Variants in RDH10 observed in about 807,000 individuals in gnomAD.
RDH10 encodes the protein retinol dehydrogenase 10 (all-trans).
Under a neutral mutation model 30.2 loss-of-function variants are expected in RDH10, and 12 were observed. The ratio of observed to expected loss-of-function variants is 0.40; its 90% CI spans 0.25 to 0.64. RDH10 has a LOEUF of 0.64. RDH10 is among the 30% of genes least tolerant of loss of function. The pLI, the probability that RDH10 is intolerant of heterozygous loss-of-function variation, is 0.43. For synonymous variants in RDH10, 189 were observed against 172.2 expected, an observed-to-expected ratio of 1.10 and a Z score of -0.76; for missense variants, 268 against 445.2, an observed-to-expected ratio of 0.60 and a Z score of 3.58.
At chr8:73,319,292 G>A in intron 3 of RDH10, 98 bp downstream of exon 3, 4 of 822,358 alleles carry the variant, frequency 4.9e-6, no homozygotes, top group African/African-American at 1.7e-5. Context: ...CTCCATTCAT[G>A]AAAGCTGCAC....
Position 73,294,996 on chromosome 8 carries a change from G to A in RDH10, c.-294G>A, listed in dbSNP as rs997993734. ...CACCGCCACTGCAGCGGAGCCGGCC[G>A]GCCGGGCGCTGCGGGACGGGCGGGC... On this transcript the variant is annotated 5_prime_UTR_variant, in exon 1 of 6. Transcript: ENST00000240285. 7 of 383,172 alleles carry A rather than the reference G, an allele frequency of 1.8e-5. No homozygotes were observed. The highest frequency in any genetic ancestry group is 3.2e-5 in the Non-Finnish European group (7 of 216,310). 23.7% of individuals were successfully genotyped at this position (383,172 alleles called of 1,614,324 possible).
At chr8:73,309,468 T>C (rs1178850064) in intron 2 of RDH10, among the ~76,000 whole-genome samples, 1 of 152,226 alleles carries the variant, frequency 6.6e-6, no homozygotes, top group African/African-American at 2.4e-5. Flanking sequence ...ATTGTTCCTC[T>C]GTGAGGTAGC....
intron 2 of RDH10, among the ~76,000 whole-genome samples, chr8:73,309,330 G>A (rs1814519603): frequency 6.6e-6 from 1 of 152,190 alleles, no homozygotes; most frequent in African/African-American, 2.4e-5. Context: ...GGTGTCTCAT[G>A]TATATTTGTT....
At position 73,319,114 on chromosome 8, in the gene RDH10, C is replaced by T; in HGVS notation, c.544C>T (p.Pro182Ser). 1 of 1,612,486 alleles carries T rather than the reference C, an allele frequency of 6.2e-7. No homozygotes were observed. The highest frequency in any genetic ancestry group is 2.2e-5 in the East Asian group (1 of 44,850). Residue 182 changes from proline to serine, a missense_variant, in exon 3 of 6, where the codon CCT becomes TCT. This residue lies in a region of RDH10 where 136 missense variants were observed against 288.8 expected (regional missense o/e 0.47). Coordinates refer to ENST00000240285, the MANE Select transcript of RDH10 (RefSeq NM_172037.5). ...AHFWTTKAFL[P>S]TMLEINHGHI... ...GTTTCAGACCACTAAGGCTTTTCTT[C>T]CTACGATGCTGGAGATTAATCATGG... is the stretch of plus-strand genomic sequence containing the variant.
chr8:73,296,783 A>G (rs565090032), intron 1 of RDH10, among the ~76,000 whole-genome samples: 8 of 152,336 alleles, frequency 5.3e-5, no homozygotes, highest in African/African-American at 1.9e-4. Context: ...GAGGGTTCTC[A>G]TACTAAAGAC....
chr8:73,311,809 A>G (rs1044443320), intron 2 of RDH10: 10 of 152,212 alleles, frequency 6.6e-5, no homozygotes, highest in Non-Finnish European at 5.9e-5. Context: ...TTGGGGCTCT[A>G]TTGCACAATT....
chr8:73,309,284 A>G (rs924087697), intron 2 of RDH10, among the ~76,000 whole-genome samples: 2 of 152,178 alleles, frequency 1.3e-5, no homozygotes, highest in African/African-American at 4.8e-5. Flanking sequence ...CCGGCCAGTG[A>G]AGAACTGTGT....
chr8:73,305,844 A>G (rs950503995), intron 2 of RDH10, among the ~76,000 whole-genome samples: 15 of 152,206 alleles, frequency 9.9e-5, no homozygotes, highest in Admixed American at 8.5e-4. Flanking sequence ...GAAATAGAGA[A>G]CTATTTCCTG....
intron 2 of RDH10, chr8:73,313,457 G>A (rs1266058610): frequency 6.6e-6 from 1 of 151,914 alleles, no homozygotes; most frequent in Non-Finnish European, 1.5e-5. Context: ...CCATTTGAAT[G>A]TCCTTCCCTT....
rs2130385358 is a variant in RDH10, at chr8:73,323,610, C to T, written c.*574C>T. The T allele has an allele frequency of 6.6e-6, 1 of 151,550 alleles. No individual in the cohort carries two copies. Among genetic ancestry groups the T allele is most frequent in the South Asian group, 2.1e-4 (1 of 4,810 alleles). The allele number at this position is 151,550 out of a possible 1,614,324, so 9.4% of individuals were successfully genotyped here. ...GTCTGAGTGTTACAGTAAAGGTGAC[C>T]AAGTCTCTTTCTTAAAGTCACAATG... On this transcript the variant is annotated 3_prime_UTR_variant, in exon 6 of 6. Transcript: ENST00000240285.
chr8:73,312,727 AT>A (rs1391217266), intron 2 of RDH10: 1 of 152,160 alleles, frequency 6.6e-6, no homozygotes, highest in East Asian at 1.9e-4. Context: ...TCATGCTATT[AT>A]TTGGAGATTC....
rs760588808 is a variant in RDH10, at chr8:73,321,069, C to T, written c.762C>T (p.Cys254=). ...TAGACACTGGCATGTTCAGAGGCTG[C>T]CGAATCAGGTCAGTGAGAACCTATA... ...YLVDTGMFRG[C]RIRKEIEPFL... Residue 254 remains cysteine (C), a synonymous_variant, in exon 4 of 6, where the codon TGC becomes TGT. Transcript: ENST00000240285. 6.2e-7 allele frequency: 1 copy of T among 1,612,174 alleles called. No homozygotes were observed. The highest frequency in any genetic ancestry group is 8.5e-7 in the Non-Finnish European group (1 of 1,178,814).
At position 73,323,095 on chromosome 8, in the gene RDH10, G is replaced by A; in HGVS notation, c.*59G>A. The A allele has an allele frequency of 7.5e-7, 1 of 1,328,428 alleles. No homozygotes were observed. Among genetic ancestry groups the A allele is most frequent in the Non-Finnish European group, 1.1e-6 (1 of 924,672 alleles). 82.3% of individuals were successfully genotyped at this position (1,328,428 alleles called of 1,614,324 possible). On this transcript the variant is annotated 3_prime_UTR_variant, in exon 6 of 6. Coordinates refer to ENST00000240285, the MANE Select transcript of RDH10 (RefSeq NM_172037.5). ...AAGATGATCAAGATGTTTCAGTCCA[G>A]TGCACATCAGCATTGCTGACATTTT...
At position 73,295,023 on chromosome 8, in the gene RDH10, GCTGCCGGCAGGAGGCGCCGAGCCGGGTGA is replaced by G. The variant is rs1369451652; in HGVS notation, c.-260_-232del. The G allele has an allele frequency of 2.8e-6, 1 of 362,102 alleles. No homozygotes were observed. The highest frequency in any genetic ancestry group is 4.9e-6 in the Non-Finnish European group (1 of 202,994). 22.4% of individuals were successfully genotyped at this position (362,102 alleles called of 1,614,324 possible). On this transcript the variant is annotated 5_prime_UTR_variant, in exon 1 of 6. Coordinates refer to ENST00000240285, the MANE Select transcript of RDH10 (RefSeq NM_172037.5). ...CCGGGCGCTGCGGGACGGGCGGGCGGCTGCCGGCAGGAGGCGCCGAGCCGGGTGACTGCCGCGGCGGGCACAGTCCGGGG... is the reference window on the plus strand; with the variant it reads ...CCGGGCGCTGCGGGACGGGCGGGCGGCTGCCGCGGCGGGCACAGTCCGGGG...
chr8:73,312,350 T>C (rs532183609), intron 2 of RDH10: 3 of 152,292 alleles, frequency 2.0e-5, no homozygotes, highest in African/African-American at 7.2e-5. Flanking sequence ...GAATAAAACA[T>C]TGTGAGGCTA....
chr8:73,301,804 A>G (rs1331341067), intron 2 of RDH10, among the ~76,000 whole-genome samples: 4 of 152,220 alleles, frequency 2.6e-5, no homozygotes, highest in Non-Finnish European at 2.9e-5. Flanking sequence ...GTGTAAGACC[A>G]TTATTGCAAA....
chr8:73,317,368 A>G (rs1254597186), intron 2 of RDH10, among the ~76,000 whole-genome samples: 1 of 152,212 alleles, frequency 6.6e-6, no homozygotes, highest in African/African-American at 2.4e-5. Context: ...TTTGATTTAC[A>G]CACGAAGGGT....
At position 73,322,955 on chromosome 8, in the gene RDH10, A is replaced by C; in HGVS notation, c.945A>C (p.Leu315=). The C allele has an allele frequency of 6.2e-7, 1 of 1,614,172 alleles. No homozygotes were observed. The highest frequency in any genetic ancestry group is 8.5e-7 in the Non-Finnish European group (1 of 1,180,002). The part of the protein sequence containing the change: ...FEAVVCMYRF[L]GADKCMYPFI... Reference sequence around the variant, plus strand: ...CAGTTGTGTGCATGTATCGGTTCCTAGGAGCGGACAAGTGTATGTACCCCT... The same window carrying C: ...CAGTTGTGTGCATGTATCGGTTCCTCGGAGCGGACAAGTGTATGTACCCCT... The change falls in exon 6 of 6, where the codon CTA becomes CTC. Residue 315 remains leucine (L), a synonymous_variant. Coordinates refer to ENST00000240285, the MANE Select transcript of RDH10 (RefSeq NM_172037.5).
chr8:73,313,395 G>A (rs958738219), intron 2 of RDH10: 1 of 152,134 alleles, frequency 6.6e-6, no homozygotes, highest in African/African-American at 2.4e-5. Context: ...GAACCCTGAG[G>A]AGCTAAGGAG....
Sources: allele counts gnomAD v4.1 joint callset (sites outside exome capture counted in the v4.1 genomes callset), GRCh38; gene constraint gnomAD v4.1.1; regional missense constraint gnomAD v4.1.1; transcripts MANE v1.5; gene names NCBI Gene and HGNC (gene_info 2026-07-23, HGNC 2026-07-21).